LAPTM4B: variants seen among roughly 807,000 people sequenced by gnomAD.
LAPTM4B encodes lysosomal-associated transmembrane protein 4B.
Under a neutral mutation model 28.5 loss-of-function variants are expected in LAPTM4B, and 26 were observed. The observed-to-expected ratio is 0.91, with a 90% CI of 0.67 to 1.27. The LOEUF (loss-of-function observed/expected upper bound fraction) is 1.27, where lower values mean the gene tolerates loss of function less well. Ranked by LOEUF, LAPTM4B falls within the 50% of genes most tolerant of loss-of-function variation. The pLI, the probability that LAPTM4B is intolerant of heterozygous loss-of-function variation, is 0.00. For missense variants in LAPTM4B, 288 were observed against 285.8 expected (o/e 1.01, Z -0.06); for synonymous variants, 109 against 106.4 (o/e 1.02, Z -0.15).
chr8:97,798,806 CAG>C (rs1400827425), intron 1 of LAPTM4B, among the ~76,000 whole-genome samples: 1 of 152,176 alleles, frequency 6.6e-6, no homozygotes, highest in Non-Finnish European at 1.5e-5. Context: ...AACAGAAAAA[CAG>C]GGCACACATG....
intron 6 of LAPTM4B, among the ~76,000 whole-genome samples, chr8:97,826,543 T>TGTTTATTTGTTTTTTGA (rs142956092): frequency 0.47 from 71,313 of 151,882 alleles, 17,015 homozygotes; most frequent in East Asian, 0.57. Context: ...TAACTTTTTT[T>TGTTTATTTGTTTTTTGA]GTTCGCCCAG....
chr8:97,776,160 C>G (rs760139205), intron 1 of LAPTM4B, 52 bp downstream of exon 1: 1 of 1,497,748 alleles, frequency 6.7e-7, no homozygotes, highest in Non-Finnish European at 8.9e-7. Flanking sequence ...GCGCCCCTAG[C>G]TGGGCTTCTG....
chr8:97,831,110 T>C (rs1275781181), intron 6 of LAPTM4B, among the ~76,000 whole-genome samples: 2 of 152,202 alleles, frequency 1.3e-5, no homozygotes, highest in East Asian at 3.8e-4. Context: ...TGGCCTTTTC[T>C]ACTTTTCCTG....
chr8:97,831,044 C>G (rs1260003176), intron 6 of LAPTM4B, among the ~76,000 whole-genome samples: 1 of 152,064 alleles, frequency 6.6e-6, no homozygotes, highest in Non-Finnish European at 1.5e-5. Flanking sequence ...GAAGAATTGT[C>G]CAGTCTTTTT....
rs34138394 is a variant in LAPTM4B at position 97,801,843 on chromosome 8, C to CAAA, written c.100-3494_100-3492dup. On this transcript the variant is annotated intron_variant, in intron 1 of 6. Transcript: ENST00000521545. ...TGGGCGACAGTGCGAAACTCCATCT[C>CAAA]AAAAAAAAAAAAAAAAAAGTATAGA... 9.7e-3 allele frequency among the ~76,000 whole-genome samples: 1,268 copies of CAAA among 131,184 alleles called. 31 individuals carry two copies. Among genetic ancestry groups the CAAA allele is most frequent in the Middle Eastern group, 0.021 (5 of 240 alleles). The allele number at this position is 131,184 out of a possible 152,430, so 86.1% of individuals were successfully genotyped here.
At chr8:97,776,263 C>G (rs953091933) in intron 1 of LAPTM4B, among the ~76,000 whole-genome samples, 155 bp downstream of exon 1, 1 of 152,324 alleles carries the variant, frequency 6.6e-6, no homozygotes, top group Admixed American at 6.5e-5. Flanking sequence ...CCGCACTTCC[C>G]CCGGCTGGGC....
Position 97,851,964 on chromosome 8 carries a change from C to A in LAPTM4B, c.*490C>A, listed in dbSNP as rs540529368. ...AATAGAAGTCCTTATGTATGTGTTACAAGAATTTCCCCCACAACATCCTTT... is the reference window on the plus strand; with the variant it reads ...AATAGAAGTCCTTATGTATGTGTTAAAAGAATTTCCCCCACAACATCCTTT... On this transcript the variant is annotated 3_prime_UTR_variant, in exon 7 of 7. Coordinates refer to ENST00000521545, the MANE Select transcript of LAPTM4B (RefSeq NM_018407.6). The A allele has an allele frequency of 1.3e-5, 2 of 154,232 alleles. No individual in the cohort carries two copies. The highest frequency in any genetic ancestry group is 4.8e-5 in the African/African-American group (2 of 41,466). The allele number at this position is 154,232 out of a possible 1,614,324, so 9.6% of individuals were successfully genotyped here.
At chr8:97,851,153 G>A (rs1400573041) in intron 6 of LAPTM4B, among the ~76,000 whole-genome samples, 1 of 152,120 alleles carries the variant, frequency 6.6e-6, no homozygotes, top group Non-Finnish European at 1.5e-5. Flanking sequence ...TAGAGTCACC[G>A]ACCTCTGGCC....
intron 4 of LAPTM4B, among the ~76,000 whole-genome samples, chr8:97,817,042 T>C (rs1466181827): frequency 6.6e-6 from 1 of 152,224 alleles, no homozygotes. Flanking sequence ...AAGCATCATT[T>C]TGGGACTAGT....
intron 1 of LAPTM4B, among the ~76,000 whole-genome samples, chr8:97,779,999 C>T (rs374915547): frequency 6.8e-6 from 1 of 146,608 alleles, no homozygotes; most frequent in African/African-American, 2.5e-5. Context: ...TGCCGTGAGC[C>T]GAGATCACGC....
At chr8:97,840,518 A>G (rs1316495956) in intron 6 of LAPTM4B, among the ~76,000 whole-genome samples, 1 of 152,154 alleles carries the variant, frequency 6.6e-6, no homozygotes, top group Non-Finnish European at 1.5e-5. Flanking sequence ...ACTCCCAAAA[A>G]TGTGTTTATA....
intron 4 of LAPTM4B, among the ~76,000 whole-genome samples, chr8:97,817,445 C>CTTTTTTTTTT (rs753483537): frequency 1.1e-5 from 1 of 89,004 alleles, no homozygotes. Flanking sequence ...GCCAACTTTA[C>CTTTTTTTTTT]TTTTTTTTTT....
At chr8:97,846,929 G>T (rs958244458) in intron 6 of LAPTM4B, among the ~76,000 whole-genome samples, 1 of 152,146 alleles carries the variant, frequency 6.6e-6, no homozygotes, top group Non-Finnish European at 1.5e-5. Flanking sequence ...TAGGATGTCA[G>T]ATTTTGCAAC....
At chr8:97,834,289 G>T (rs147389095) in intron 6 of LAPTM4B, among the ~76,000 whole-genome samples, 1 of 152,198 alleles carries the variant, frequency 6.6e-6, no homozygotes, top group African/African-American at 2.4e-5. Context: ...AGGTGACACA[G>T]CAAGACTCTT....
intron 6 of LAPTM4B, among the ~76,000 whole-genome samples, chr8:97,845,327 T>G (rs1445457225): frequency 9.4e-6 from 1 of 106,004 alleles, no homozygotes; most frequent in Non-Finnish European, 2.1e-5. Context: ...CTTGCTTTGT[T>G]TTTTTTTGAT....
At chr8:97,820,168 A>G (rs1816982284) in intron 5 of LAPTM4B, among the ~76,000 whole-genome samples, 2 of 152,144 alleles carry the variant, frequency 1.3e-5, no homozygotes, top group South Asian at 4.1e-4. Flanking sequence ...ATTGCTGCAA[A>G]TTCTTTTTCA....
At chr8:97,827,568 C>T (rs942763500) in intron 6 of LAPTM4B, among the ~76,000 whole-genome samples, 1 of 152,204 alleles carries the variant, frequency 6.6e-6, no homozygotes, top group African/African-American at 2.4e-5. Context: ...GTCAGAAGCT[C>T]CTGAGGCCCA....
intron 2 of LAPTM4B, among the ~76,000 whole-genome samples, chr8:97,812,217 G>GTTTTTTTTTTTTTTTTTTTTTTTTTTTT (rs71271157): frequency 1.1e-5 from 1 of 93,314 alleles, no homozygotes; most frequent in Admixed American, 1.1e-4. Context: ...TTTTTTTTTT[G>GTTTTTTTTTTTTTTTTTTTTTTTTTTTT]TTGTTTTTTG....
intron 5 of LAPTM4B, 105 bp downstream of exon 5, chr8:97,819,343 C>A: frequency 1.5e-6 from 1 of 666,868 alleles, no homozygotes; most frequent in Non-Finnish European, 2.5e-6. Flanking sequence ...TTTGGACATC[C>A]AAATTGCTTT....
Sources: allele counts gnomAD v4.1 joint callset (sites outside exome capture counted in the v4.1 genomes callset), GRCh38; gene constraint gnomAD v4.1.1; transcripts MANE v1.5; gene names NCBI Gene and HGNC (gene_info 2026-07-23, HGNC 2026-07-21).